Variants in PPIG observed in about 807,000 individuals in gnomAD.
The protein encoded by PPIG is peptidylprolyl isomerase G.
A neutral mutation model predicts 87.9 loss-of-function variants in PPIG; 26 were observed. The observed-to-expected ratio is 0.30, with a 90% CI of 0.22 to 0.41. The LOEUF (loss-of-function observed/expected upper bound fraction) is 0.41. PPIG is among the 10% of genes least tolerant of loss of function. The pLI, the probability that PPIG is intolerant of heterozygous loss-of-function variation, is 1.00. For synonymous variants in PPIG, 308 were observed against 276.5 expected (o/e 1.11, Z -1.13); for missense variants, 722 against 879.4 (o/e 0.82, Z 2.26).
At chr2:169,612,079 G>T (rs951181012) in intron 7 of PPIG, among the ~76,000 whole-genome samples, 2 of 152,050 alleles carry the variant, frequency 1.3e-5, no homozygotes, top group African/African-American at 4.8e-5. Context: ...AGGCTCAAGT[G>T]ATCCTACCGC....
At chr2:169,585,369 C>G (rs1455832340) in intron 1 of PPIG, among the ~76,000 whole-genome samples, 3 of 147,756 alleles carry the variant, frequency 2.0e-5, no homozygotes, top group African/African-American at 7.5e-5. Flanking sequence ...TCAAGTGATT[C>G]TTCTGCCTCA....
chr2:169,622,141 G>A (rs906315578), intron 9 of PPIG, among the ~76,000 whole-genome samples: 1 of 151,932 alleles, frequency 6.6e-6, no homozygotes, highest in East Asian at 1.9e-4. Flanking sequence ...AAGAGTTTTT[G>A]GCCAGGCTCT....
intron 9 of PPIG, among the ~76,000 whole-genome samples, chr2:169,626,420 G>T (rs2105513135): frequency 6.6e-6 from 1 of 152,150 alleles, no homozygotes; most frequent in East Asian, 1.9e-4. Flanking sequence ...TTGGAACGGA[G>T]TCTCAATCTG....
In PPIG at chr2:169,631,795, T is replaced by A. The variant is rs144508595; in HGVS notation, c.791T>A (p.Leu264His). The change falls in exon 11 of 14, where the codon CTT becomes CAT. Residue 264 changes from leucine to histidine, a missense_variant. Leu to His is a moderately conservative substitution (Grantham distance 99, BLOSUM62 -3). Transcript: ENST00000260970. ...SASSESEAEN[L>H]EAQPQSTVRP... is the part of the protein sequence containing the mutation. ...TCTAGTGAGAGTGAAGCTGAAAATC[T>A]TGAAGCACAACCCCAGTCTACTGTC... 1 of 1,613,766 alleles carries A rather than the reference T, an allele frequency of 6.2e-7. No individual in the cohort carries two copies. The highest frequency in any genetic ancestry group is 8.5e-7 in the Non-Finnish European group (1 of 1,179,864).
At chr2:169,625,803 GT>G (rs1685866984) in intron 9 of PPIG, among the ~76,000 whole-genome samples, 1 of 151,960 alleles carries the variant, frequency 6.6e-6, no homozygotes, top group South Asian at 2.1e-4. Context: ...TTTCATCAGG[GT>G]TTAGGGGATG....
chr2:169,598,342 G>T (rs1373337005), intron 1 of PPIG, among the ~76,000 whole-genome samples: 1 of 151,978 alleles, frequency 6.6e-6, no homozygotes, highest in Non-Finnish European at 1.5e-5. Context: ...CCAGGCTGGA[G>T]TGCAGTGGCG....
intron 5 of PPIG, among the ~76,000 whole-genome samples, chr2:169,606,731 A>C (rs1318274481): frequency 6.6e-6 from 1 of 152,068 alleles, no homozygotes; most frequent in Non-Finnish European, 1.5e-5. Flanking sequence ...TGATTTTGTC[A>C]CAAGTGGTAA....
chr2:169,590,984 G>A (rs944788233), intron 1 of PPIG, among the ~76,000 whole-genome samples: 13 of 152,198 alleles, frequency 8.5e-5, no homozygotes, highest in Admixed American at 1.3e-4. Flanking sequence ...TCCAGCCTGA[G>A]CGGCATAGCG....
chr2:169,605,861 T>A (rs1409130643), intron 4 of PPIG, among the ~76,000 whole-genome samples, 178 bp from the exon 5 acceptor site: 2 of 152,166 alleles, frequency 1.3e-5, no homozygotes, highest in Non-Finnish European at 2.9e-5. Context: ...GATTTCTACA[T>A]TCTCCAGAAA....
In PPIG at chr2:169,637,334, AAAAC is replaced by A. The variant is rs763770753; in HGVS notation, c.2080_2083del (p.Gln694AlafsTer7). On this transcript the variant is annotated frameshift_variant, in exon 14 of 14. Transcript: ENST00000260970. LOFTEE classifies it high-confidence loss of function. The stretch of plus-strand genomic sequence containing the variant: ...GAGATCAAAGTCCCTTCTCAAAAAT[AAAAC>A]AAAGCAGTCAGGACAATGAATTAAA... 8.7e-6 allele frequency: 14 copies of A among 1,605,560 alleles called. No individual in the cohort carries two copies. The highest frequency in any genetic ancestry group is 1.1e-5 in the South Asian group (1 of 88,606).
chr2:169,594,599 T>A (rs1041361299), intron 1 of PPIG, among the ~76,000 whole-genome samples: 1 of 151,184 alleles, frequency 6.6e-6, no homozygotes, highest in Non-Finnish European at 1.5e-5. Flanking sequence ...TGGTAATTTT[T>A]CTTCTTCAGT....
At chr2:169,604,307 A>ATTGC in intron 4 of PPIG, 46 bp downstream of exon 4, 1 of 789,688 alleles carries the variant, frequency 1.3e-6, no homozygotes, top group Non-Finnish European at 1.9e-6. Flanking sequence ...TCAGTTGACT[A>ATTGC]TGGCTTGCTT....
chr2:169,630,644 C>G (rs4668149), intron 9 of PPIG, 130 bp from the exon 10 acceptor site: 425,079 of 745,508 alleles, frequency 0.57, 123,137 homozygotes, highest in African/African-American at 0.73. Context: ...TCCTGTACTT[C>G]CCAGTTCACA....
At chr2:169,603,483 C>T (rs1559178347) in intron 1 of PPIG, among the ~76,000 whole-genome samples, 159 bp from the exon 2 acceptor site, 5 of 147,054 alleles carry the variant, frequency 3.4e-5, no homozygotes, top group African/African-American at 1.3e-4. Context: ...AAATCTACCA[C>T]ATATACTATT....
At position 169,620,413 on chromosome 2, in the gene PPIG, A is replaced by G. The variant is rs1338834366; in HGVS notation, c.547+5689A>G. Among the ~76,000 whole-genome samples the G allele has an allele frequency of 2.0e-5, 3 of 152,038 alleles. No individual in the cohort carries two copies. In the South Asian group the frequency reaches 6.2e-4, roughly 32 times the overall value. ...CTACTTCTCATTTTCTTCATTTACC[A>G]TGAAGTCAGTTAACTTTTTCTGATT... On this transcript the variant is annotated intron_variant, in intron 9 of 13. Coordinates refer to ENST00000260970, the MANE Select transcript of PPIG (RefSeq NM_004792.3).
intron 9 of PPIG, among the ~76,000 whole-genome samples, chr2:169,629,757 C>T (rs143572113): frequency 2.2e-3 from 328 of 152,206 alleles, no homozygotes; most frequent in African/African-American, 7.5e-3. Context: ...AGTTGTAAAA[C>T]GATATTTTAA....
At chr2:169,594,442 A>C (rs1225158978) in intron 1 of PPIG, among the ~76,000 whole-genome samples, 2 of 151,974 alleles carry the variant, frequency 1.3e-5, no homozygotes, top group South Asian at 2.1e-4. Flanking sequence ...CCCATGGCCC[A>C]CACATGATGA....
intron 10 of PPIG, 59 bp downstream of exon 10, chr2:169,631,046 G>T (rs1239555433): frequency 7.0e-7 from 1 of 1,430,260 alleles, no homozygotes; most frequent in Non-Finnish European, 9.4e-7. Context: ...CTGTAAATCT[G>T]TTAGGATTTT....
chr2:169,616,559 T>C (rs1259914940), intron 9 of PPIG, among the ~76,000 whole-genome samples: 1 of 152,246 alleles, frequency 6.6e-6, no homozygotes, highest in Non-Finnish European at 1.5e-5. Flanking sequence ...AGATGGTATC[T>C]CATTGTGGTT....
Sources: allele counts gnomAD v4.1 joint callset (sites outside exome capture counted in the v4.1 genomes callset), GRCh38; gene constraint gnomAD v4.1.1; transcripts MANE v1.5; gene names NCBI Gene and HGNC (gene_info 2026-07-23, HGNC 2026-07-21).